Variants in ARPC4 observed in about 807,000 individuals in gnomAD.
ARPC4 encodes the protein actin related protein 2/3 complex subunit 4.
Under a neutral mutation model 22.8 loss-of-function variants are expected in ARPC4, and 3 were observed. The observed-to-expected ratio is 0.13, with a 90% CI of 0.06 to 0.34. The LOEUF is 0.34. Among genes scored for constraint, ARPC4 ranks in the 10% least tolerant of loss-of-function variants. ARPC4 has a pLI of 1.00. For synonymous variants in ARPC4, 80 were observed against 72.5 expected (o/e 1.10, Z -0.52); for missense variants, 98 against 211.0 (o/e 0.46, Z 3.32).
In ARPC4 at chr3:9,801,212, G is replaced by GAAAA. The variant is rs745696982; in HGVS notation, c.235-427_235-424dup. Among the ~76,000 whole-genome samples the GAAAA allele has an allele frequency of 3.9e-4, 26 of 66,440 alleles. 1 individual carries two copies. The highest frequency in any genetic ancestry group is 6.1e-4 in the African/African-American group (11 of 18,124). 43.6% of individuals were successfully genotyped at this position (66,440 alleles called of 152,430 possible). A position where few individuals can be genotyped will look rare whatever the true frequency, so the allele number is the denominator to read the frequency against. ...GGTGACAGAGCGAGATTCCATCTCAGAAAAAAAAAAAAAAAAAAAAAAAAA... is the reference window on the plus strand; with the variant it reads ...GGTGACAGAGCGAGATTCCATCTCAGAAAAAAAAAAAAAAAAAAAAAAAAAAAAA... On this transcript the variant is annotated intron_variant, in intron 3 of 5. Coordinates refer to ENST00000397261, the MANE Select transcript of ARPC4 (RefSeq NM_005718.5).
intron 3 of ARPC4, among the ~76,000 whole-genome samples, chr3:9,800,789 C>A (rs2078991552): frequency 6.6e-6 from 1 of 152,096 alleles, no homozygotes; most frequent in Admixed American, 6.6e-5. Flanking sequence ...ATGCAGACTA[C>A]ACACTGTTTT....
chr3:9,800,812 A>T (rs1438217454), intron 3 of ARPC4, among the ~76,000 whole-genome samples: 1 of 152,222 alleles, frequency 6.6e-6, no homozygotes, highest in African/African-American at 2.4e-5. Flanking sequence ...ACAGAAACTT[A>T]TAAACCTGGG....
upstream of ARPC4, chr3:9,792,923 T>G: frequency 7.2e-7 from 1 of 1,393,974 alleles, no homozygotes; most frequent in Non-Finnish European, 9.3e-7. Context: ...TGCAAGAATT[T>G]AAAAATACCG....
intron 3 of ARPC4, among the ~76,000 whole-genome samples, chr3:9,800,750 A>G (rs1290410032): frequency 6.6e-6 from 1 of 152,122 alleles, no homozygotes; most frequent in Non-Finnish European, 1.5e-5. Flanking sequence ...TAAACTTTCA[A>G]CAGGATGAAA....
At position 9,793,092 on chromosome 3, in the gene ARPC4, T is replaced by C; in HGVS notation, c.-30T>C. On this transcript the variant is annotated 5_prime_UTR_variant, in exon 1 of 6. Transcript: ENST00000397261. ...ATCGCGGGGCTGGCCACTTCCGTAC[T>C]TCCGCTTTCCGGCCCAGCCAGCGCC... 1 of 1,545,442 alleles carries C rather than the reference T, an allele frequency of 6.5e-7. No homozygotes were observed. Among genetic ancestry groups the C allele is most frequent in the Non-Finnish European group, 8.7e-7 (1 of 1,145,196 alleles).
rs1185014193 is a variant in ARPC4, at chr3:9,806,379, C to T, written c.*164C>T. On this transcript the variant is annotated 3_prime_UTR_variant, in exon 6 of 6. Coordinates refer to ENST00000397261, the MANE Select transcript of ARPC4 (RefSeq NM_005718.5). ...TGTGCTTGCTAGCTGGGCAAGAAAG[C>T]AGCAGTGGACCTGCCCCAAGGCCAC... 7.5e-6 allele frequency: 6 copies of T among 798,984 alleles called. No homozygotes were observed. Among genetic ancestry groups the T allele is most frequent in the Non-Finnish European group, 8.6e-6 (4 of 465,666 alleles). 49.5% of individuals were successfully genotyped at this position (798,984 alleles called of 1,614,324 possible). A position where few individuals can be genotyped will look rare whatever the true frequency, so the allele number is the denominator to read the frequency against.
At chr3:9,799,972 G>T in intron 2 of ARPC4, 1 of 659,790 alleles carries the variant, frequency 1.5e-6, no homozygotes, top group Non-Finnish European at 2.8e-6. Context: ...AACAGAGGAG[G>T]CTGGATTTCA....
At chr3:9,803,352 G>A (rs1575334200) in intron 4 of ARPC4, among the ~76,000 whole-genome samples, 1 of 152,184 alleles carries the variant, frequency 6.6e-6, no homozygotes, top group East Asian at 1.9e-4. Flanking sequence ...AGGCGTGTTA[G>A]CCAAGTTCTT....
At chr3:9,794,312 A>T (rs2078830808) in intron 1 of ARPC4, among the ~76,000 whole-genome samples, 1 of 152,152 alleles carries the variant, frequency 6.6e-6, no homozygotes, top group South Asian at 2.1e-4. Context: ...ATCCTGGCTA[A>T]CACGGTGAAA....
chr3:9,805,304 A>G (rs921528786), intron 5 of ARPC4, among the ~76,000 whole-genome samples: 4 of 152,248 alleles, frequency 2.6e-5, no homozygotes, highest in Non-Finnish European at 2.9e-5. Flanking sequence ...AGAGATTAAT[A>G]AACTGGGGCT....
intron 4 of ARPC4, 131 bp downstream of exon 4, chr3:9,801,887 G>C (rs892104641): frequency 4.0e-5 from 38 of 945,702 alleles, no homozygotes; most frequent in Middle Eastern, 3.5e-4. Flanking sequence ...CCTTCATCTT[G>C]GAGTGGGAGC....
rs551458601 is a variant in ARPC4, at chr3:9,804,605, A to G, written c.501+592A>G. Reference sequence around the variant, plus strand: ...GGTGACATCGTTCTTAGTTGTTTAGATATTCAGAACATGCCTTTTTTTTTC... The same window carrying G: ...GGTGACATCGTTCTTAGTTGTTTAGGTATTCAGAACATGCCTTTTTTTTTC... On this transcript the variant is annotated intron_variant, in intron 5 of 5. Coordinates refer to ENST00000397261, the MANE Select transcript of ARPC4 (RefSeq NM_005718.5). Among the ~76,000 whole-genome samples, 41 of 152,234 alleles carry G rather than the reference A, an allele frequency of 2.7e-4. No homozygotes were observed. The South Asian group carries it at 2.9e-3, about 11-fold the overall frequency.
chr3:9,798,844 A>G (rs948084213), intron 2 of ARPC4, among the ~76,000 whole-genome samples: 1 of 151,996 alleles, frequency 6.6e-6, no homozygotes, highest in East Asian at 1.9e-4. Context: ...ACCGCACTCC[A>G]GCCTGGCAGC....
chr3:9,794,669 A>G (rs905468424), intron 1 of ARPC4, among the ~76,000 whole-genome samples: 2 of 151,904 alleles, frequency 1.3e-5, no homozygotes, highest in African/African-American at 4.9e-5. Flanking sequence ...CAATATAGCA[A>G]GATCCCGTGT....
At chr3:9,797,501 G>A (rs2078920926) in intron 1 of ARPC4, among the ~76,000 whole-genome samples, 158 bp from the exon 2 acceptor site, 1 of 152,164 alleles carries the variant, frequency 6.6e-6, no homozygotes, top group Non-Finnish European at 1.5e-5. Context: ...CTACACCTTG[G>A]AAGGCGTCTC....
chr3:9,803,648 A>G, intron 4 of ARPC4, 195 bp from the exon 5 acceptor site: 3 of 749,062 alleles, frequency 4.0e-6, no homozygotes, highest in Admixed American at 1.8e-5. Context: ...AACGGGGTTC[A>G]GTTGCTTGGA....
At chr3:9,795,227 T>C (rs2078856734) in intron 1 of ARPC4, among the ~76,000 whole-genome samples, 1 of 152,180 alleles carries the variant, frequency 6.6e-6, no homozygotes, top group Non-Finnish European at 1.5e-5. Flanking sequence ...CTTGAACTCC[T>C]GACCTGAGGT....
intron 2 of ARPC4, 22 bp from the exon 3 acceptor site, chr3:9,800,163 C>T: frequency 1.2e-6 from 2 of 1,612,748 alleles, no homozygotes; most frequent in African/African-American, 1.3e-5. Flanking sequence ...AGTACAAGTA[C>T]TCTGTCACAT....
chr3:9,797,389 C>T (rs1417356777), intron 1 of ARPC4, among the ~76,000 whole-genome samples: 3 of 152,186 alleles, frequency 2.0e-5, no homozygotes, highest in African/African-American at 7.2e-5. Flanking sequence ...TCTCAGCATT[C>T]CTCTGGTCTG....
Sources: gnomAD v4.1 joint callset for allele counts (sites outside exome capture counted in the v4.1 genomes callset) on GRCh38, gnomAD v4.1.1 for gene constraint, MANE v1.5 for transcripts, NCBI Gene and HGNC (gene_info 2026-07-23, HGNC 2026-07-21) for gene names.